C1orf202: variants seen among roughly 807,000 people sequenced by gnomAD.
C1orf202 encodes the protein chromosome 1 open reading frame 202.
At chr1:244,730,302 A>C in the C1orf202 span, 1 of 241,802 alleles carries the variant, frequency 4.1e-6, no homozygotes, top group African/African-American at 2.3e-5. Context: ...CCTCAAGATA[A>C]CCCTTGGTTT....
the C1orf202 span, chr1:244,730,475 CGCGCGGGGGCGGCCT>C: frequency 2.9e-6 from 1 of 343,934 alleles, no homozygotes; most frequent in Non-Finnish European, 5.2e-6. Context: ...GCGGGGCTGG[CGCGCGGGGGCGGCCT>C]GCGCGGGCCG....
At chr1:244,730,797 C>T in the C1orf202 span, 3 of 377,444 alleles carry the variant, frequency 7.9e-6, no homozygotes, top group African/African-American at 4.2e-5. Flanking sequence ...TCGCCGGCCA[C>T]CGCGCGCCGC....
At chr1:244,730,941 T>G in the C1orf202 span, 1 of 381,632 alleles carries the variant, frequency 2.6e-6, no homozygotes, top group Non-Finnish European at 4.6e-6. Context: ...GCAGGCCTCT[T>G]CTCGGAGCGC....
the C1orf202 span, chr1:244,729,802 G>C: frequency 6.6e-6 from 1 of 152,016 alleles, no homozygotes. Flanking sequence ...GTCTAGCCCT[G>C]GTTTCCAAAC....
At chr1:244,730,562 A>G in the C1orf202 span, 1 of 373,896 alleles carries the variant, frequency 2.7e-6, no homozygotes, top group East Asian at 3.8e-5. Flanking sequence ...GCGGTCCAGC[A>G]CCAGCAGCGG....
At chr1:244,730,392 C>T in the C1orf202 span, 1 of 352,924 alleles carries the variant, frequency 2.8e-6, no homozygotes, top group Non-Finnish European at 5.1e-6. Flanking sequence ...TTTTGTTGAC[C>T]AAAAAGAAAA....
the C1orf202 span, chr1:244,730,854 GCGC>G: frequency 2.6e-6 from 1 of 382,162 alleles, no homozygotes; most frequent in Admixed American, 4.5e-5. Context: ...CGCTCCAGGC[GCGC>G]CGCCTTCTCC....
At chr1:244,730,363 G>C in the C1orf202 span, 2 of 317,258 alleles carry the variant, frequency 6.3e-6, no homozygotes. Flanking sequence ...ACGGTGCTGG[G>C]GTTACTTTCA....
the C1orf202 span, chr1:244,729,789 T>C: frequency 6.6e-6 from 1 of 152,348 alleles, no homozygotes; most frequent in Non-Finnish European, 1.5e-5. Context: ...TTTGTTCTTC[T>C]AAGTCTAGCC....
chr1:244,730,322 TC>T, the C1orf202 span: 7 of 262,940 alleles, frequency 2.7e-5, no homozygotes, highest in East Asian at 7.1e-5. Flanking sequence ...TCCATGCACA[TC>T]CCCCCAACAT....
At chr1:244,730,231 C>T in the C1orf202 span, 1 of 224,710 alleles carries the variant, frequency 4.5e-6, no homozygotes, top group Non-Finnish European at 8.6e-6. Flanking sequence ...GTTACTGCTC[C>T]GAGGCCCTCG....
the C1orf202 span, chr1:244,730,515 T>C: frequency 2.8e-6 from 1 of 360,936 alleles, no homozygotes; most frequent in Non-Finnish European, 4.9e-6. Context: ...GGGACGCTGC[T>C]CTGGGGTCCG....
chr1:244,730,003 T>G, the C1orf202 span: 1 of 151,718 alleles, frequency 6.6e-6, no homozygotes, highest in Non-Finnish European at 1.5e-5. Context: ...TAGGATCGCT[T>G]GACCCCAGGA....
chr1:244,730,718 C>G, the C1orf202 span: 1 of 384,162 alleles, frequency 2.6e-6, no homozygotes, highest in Non-Finnish European at 4.6e-6. Context: ...GTGAGCTTGC[C>G]TGAGCTTCTT....
the C1orf202 span, chr1:244,730,091 G>T: frequency 1.3e-5 from 2 of 152,262 alleles, no homozygotes; most frequent in Non-Finnish European, 2.9e-5. Context: ...TGCAGAGATT[G>T]AAAACCGTTT....
chr1:244,730,363 G>A, the C1orf202 span: 1 of 317,258 alleles, frequency 3.2e-6, no homozygotes, highest in Non-Finnish European at 5.7e-6. Context: ...ACGGTGCTGG[G>A]GTTACTTTCA....
chr1:244,730,418 T>A, the C1orf202 span: 1 of 357,388 alleles, frequency 2.8e-6, no homozygotes, highest in Non-Finnish European at 5.0e-6. Context: ...ATCCTGAGCG[T>A]GCACAGGGGG....
At chr1:244,730,961 A>G in the C1orf202 span, 3 of 375,816 alleles carry the variant, frequency 8.0e-6, no homozygotes, top group South Asian at 1.3e-4. Context: ...CGGGGCCCAC[A>G]TCTCGGGAAC....
chr1:244,729,884 G>C, the C1orf202 span: 1 of 149,174 alleles, frequency 6.7e-6, no homozygotes, highest in African/African-American at 2.5e-5. Flanking sequence ...AGTAGAGTTC[G>C]CTCACTTCAA....
Sources: allele counts gnomAD v4.1 joint callset, GRCh38; gene constraint gnomAD v4.1.1; transcripts MANE v1.5; gene names NCBI Gene and HGNC (gene_info 2026-07-23, HGNC 2026-07-21).